The following CEP131 variants were observed in gnomAD, a reference collection of about 807,000 sequenced individuals.
The protein encoded by CEP131 is centrosomal protein of 131 kDa.
In CEP131, 99 loss-of-function variants were observed where a neutral mutation model predicts 136.8. The ratio of observed to expected loss-of-function variants is 0.72; its 90% CI spans 0.62 to 0.86. The LOEUF is 0.86. CEP131 is among the 40% of genes least tolerant of loss of function. The pLI is 0.00. For missense variants in CEP131, 1,459 were observed against 1,463.0 expected (o/e 1.00, Z 0.04); for synonymous variants, 646 against 612.7 (o/e 1.05, Z -0.80).
chr17:81,197,474 G>A, intron 13 of CEP131: 1 of 608,518 alleles, frequency 1.6e-6, no homozygotes, highest in Non-Finnish European at 2.8e-6. Flanking sequence ...GGGCAGTATG[G>A]GGAATGCGGG....
Position 81,192,756 on chromosome 17 carries a change from C to A in CEP131, c.2409G>T (p.Arg803=). The A allele has an allele frequency of 6.3e-7, 1 of 1,588,056 alleles. No homozygotes were observed. Among genetic ancestry groups the A allele is most frequent in the Non-Finnish European group, 8.5e-7 (1 of 1,170,664 alleles). The change falls in exon 19 of 26, where the codon CGG becomes CGT. Residue 803 remains arginine (R), a synonymous_variant. Coordinates refer to ENST00000450824, the MANE Select transcript of CEP131 (RefSeq NM_014984.4). ...LYSEVAEERE[R]LGQQAARQRA... is the part of the protein sequence containing the mutation. ...GGCACCTGGCTGCCTGCTGGCCCAG[C>A]CGCTCCCTCTCCTCAGCCACCTCAC...
At chr17:81,214,970 G>T (rs2062214473) in intron 2 of CEP131, among the ~76,000 whole-genome samples, 1 of 151,742 alleles carries the variant, frequency 6.6e-6, no homozygotes, top group Non-Finnish European at 1.5e-5. Context: ...GTAGAGATGG[G>T]GTTTCACCGT....
intron 19 of CEP131, 51 bp downstream of exon 19, chr17:81,192,685 G>GGGGGGGGGGGCCC: frequency 1.7e-5 from 8 of 478,394 alleles, no homozygotes; most frequent in East Asian, 5.8e-5. Context: ...GGGGGGAGGG[G>GGGGGGGGGGGCCC]TCAGCCAGCG....
chr17:81,205,498 GTA>G (rs1415517401), intron 5 of CEP131, among the ~76,000 whole-genome samples: 17 of 46,380 alleles, frequency 3.7e-4, no homozygotes, highest in Admixed American at 1.2e-3. Context: ...GGGAGGGGAG[GTA>G]GGAGGGGCAG....
intron 21 of CEP131, among the ~76,000 whole-genome samples, chr17:81,192,117 C>T (rs940137820): frequency 6.6e-6 from 1 of 152,094 alleles, no homozygotes; most frequent in Non-Finnish European, 1.5e-5. Context: ...CTTGATCCTT[C>T]CAGAGCCCAC....
At chr17:81,196,909 T>G (rs761655144) in intron 14 of CEP131, 21 bp downstream of exon 14, 1 of 1,608,508 alleles carries the variant, frequency 6.2e-7, no homozygotes, top group Non-Finnish European at 8.5e-7. Context: ...GGCCCGGGAT[T>G]AGCAGTGCCA....
At chr17:81,192,685 G>GGGGGGGGGGGGCGCCC in intron 19 of CEP131, 51 bp downstream of exon 19, 4 of 478,416 alleles carry the variant, frequency 8.4e-6, no homozygotes, top group Non-Finnish European at 1.6e-5. Context: ...GGGGGGAGGG[G>GGGGGGGGGGGGCGCCC]TCAGCCAGCG....
At chr17:81,197,089 C>G in intron 13 of CEP131, 34 bp from the exon 14 acceptor site, 1 of 1,566,934 alleles carries the variant, frequency 6.4e-7, no homozygotes, top group Non-Finnish European at 8.6e-7. Flanking sequence ...GCGGAAGCGG[C>G]AGAGGACGGG....
chr17:81,214,065 A>C (rs1222264027), intron 2 of CEP131, among the ~76,000 whole-genome samples: 1 of 152,232 alleles, frequency 6.6e-6, no homozygotes, highest in African/African-American at 2.4e-5. Context: ...CCTGGGACAG[A>C]AAAGAAAAAC....
chr17:81,194,048 C>T lies in CEP131; in HGVS notation c.2199G>A (p.Glu733=). The T allele has an allele frequency of 6.3e-7, 1 of 1,584,376 alleles. No individual in the cohort carries two copies. The highest frequency in any genetic ancestry group is 8.6e-7 in the Non-Finnish European group (1 of 1,165,714). The change falls in exon 18 of 26, where the codon GAG becomes GAA. Residue 733 remains glutamate (E), a synonymous_variant. Transcript: ENST00000450824. ...AGGCCCGCTCATCCGACTGCAGCAG[C>T]TCCGCCTCGTGCAGGCTCTTGAGCC... is the stretch of plus-strand genomic sequence containing the variant. The part of the protein sequence containing the change: ...VRRLKSLHEA[E]LLQSDERASQ...
At position 81,190,847 on chromosome 17, in the gene CEP131, T is replaced by C. The variant is rs534252268; in HGVS notation, c.2944-45A>G. 8.5e-5 allele frequency: 135 copies of C among 1,591,170 alleles called. 1 individual carries two copies. The East Asian group carries it at 2.6e-3, about 30-fold the overall frequency. ...AGTGAGCCGGCTGCCAGCGACTGGCTGCGTGCATGCAGGAGGGGCCTGTGG... is the reference window on the plus strand; with the variant it reads ...AGTGAGCCGGCTGCCAGCGACTGGCCGCGTGCATGCAGGAGGGGCCTGTGG... On this transcript the variant is annotated intron_variant, in intron 23 of 25. Coordinates refer to ENST00000450824, the MANE Select transcript of CEP131 (RefSeq NM_014984.4).
intron 4 of CEP131, 102 bp from the exon 5 acceptor site, chr17:81,206,973 A>G (rs2062021181): frequency 1.3e-6 from 2 of 1,544,858 alleles, no homozygotes; most frequent in South Asian, 1.2e-5. Context: ...CTTCCCATAC[A>G]GACAGGTGGA....
intron 16 of CEP131, 27 bp downstream of exon 16, chr17:81,195,808 G>T: frequency 2.5e-6 from 4 of 1,583,918 alleles, no homozygotes; most frequent in South Asian, 1.1e-5. Context: ...GGCTTGGGAC[G>T]CCGTGCAGTA....
At position 81,197,998 on chromosome 17, in the gene CEP131, C is replaced by T. The variant is rs144614453; in HGVS notation, c.1471-110G>A. 2,838 of 1,504,136 alleles carry T rather than the reference C, an allele frequency of 1.9e-3. 66 individuals carry two copies. The East Asian group carries it at 0.046, about 24-fold the overall frequency. The allele number at this position is 1,504,136 out of a possible 1,614,324, so 93.2% of individuals were successfully genotyped here. ...TGGGCTCTGGGAGGGAGGGTTGTGA[C>T]TAAAGCCAGGAGGAGCCTGTGGCAT... On this transcript the variant is annotated intron_variant, in intron 12 of 25. Transcript: ENST00000450824.
chr17:81,202,188 C>T (rs1598292748), intron 7 of CEP131, 52 bp downstream of exon 7: 1 of 1,282,554 alleles, frequency 7.8e-7, no homozygotes, highest in East Asian at 3.1e-5. Context: ...GATGCCTGCC[C>T]ACCTCTGTGT....
intron 21 of CEP131, among the ~76,000 whole-genome samples, 171 bp from the exon 22 acceptor site, chr17:81,191,506 C>T (rs1415890825): frequency 6.6e-6 from 1 of 152,124 alleles, no homozygotes; most frequent in Non-Finnish European, 1.5e-5. Context: ...TGTCAGGACC[C>T]AGTGTGGGCA....
intron 24 of CEP131, 59 bp downstream of exon 24, chr17:81,190,579 AG>A (rs2061614955): frequency 6.9e-7 from 1 of 1,451,940 alleles, no homozygotes; most frequent in Admixed American, 2.5e-5. Context: ...GGAGCTGCAG[AG>A]GTCCTGCCCG....
intron 18 of CEP131, 101 bp from the exon 19 acceptor site, chr17:81,192,944 G>A: frequency 6.7e-7 from 1 of 1,489,958 alleles, no homozygotes; most frequent in Non-Finnish European, 8.9e-7. Flanking sequence ...ACTCACAGCT[G>A]GAGAGCAGCC....
chr17:81,205,145 G>T (rs1395386547), intron 5 of CEP131, among the ~76,000 whole-genome samples: 2 of 151,708 alleles, frequency 1.3e-5, no homozygotes, highest in African/African-American at 4.8e-5. Context: ...TGTAGTCCCA[G>T]CTACCCAGGA....
Sources: allele counts gnomAD v4.1 joint callset (sites outside exome capture counted in the v4.1 genomes callset), GRCh38; gene constraint gnomAD v4.1.1; transcripts MANE v1.5; gene names NCBI Gene and HGNC (gene_info 2026-07-23, HGNC 2026-07-21).